Variants in EDIL3 observed in about 807,000 individuals in gnomAD.
The protein encoded by EDIL3 is EGF like and discoidin domains 3.
A neutral mutation model predicts 67.4 loss-of-function variants in EDIL3; 37 were observed. The ratio of observed to expected loss-of-function variants is 0.55; its 90% CI spans 0.42 to 0.72. EDIL3 has a LOEUF of 0.72. Among genes scored for constraint, EDIL3 ranks in the 30% least tolerant of loss-of-function variants. The pLI is 0.00. For synonymous variants in EDIL3, 195 were observed against 196.3 expected (o/e 0.99, Z 0.05); for missense variants, 527 against 586.3 (o/e 0.90, Z 1.04).
intron 3 of EDIL3, among the ~76,000 whole-genome samples, chr5:84,214,063 A>G (rs1351897664): frequency 6.6e-6 from 1 of 152,134 alleles, no homozygotes; most frequent in African/African-American, 2.4e-5. Context: ...CATACCCAGC[A>G]TTAGATGATG....
At chr5:84,196,169 A>G (rs550639252) in intron 3 of EDIL3, among the ~76,000 whole-genome samples, 27 of 151,982 alleles carry the variant, frequency 1.8e-4, no homozygotes, top group Non-Finnish European at 3.4e-4. Context: ...TACACAATAA[A>G]TGATTTATTG....
At chr5:84,093,662 T>A (rs1251487818) in intron 6 of EDIL3, among the ~76,000 whole-genome samples, 3 of 149,620 alleles carry the variant, frequency 2.0e-5, no homozygotes, top group African/African-American at 7.4e-5. Flanking sequence ...TGCAGCCTTT[T>A]TTTTTTTTTT....
chr5:84,186,199 A>T (rs747237024), intron 3 of EDIL3, among the ~76,000 whole-genome samples: 35 of 152,068 alleles, frequency 2.3e-4, no homozygotes, highest in South Asian at 4.1e-4. Context: ...CTGAAAAAAA[A>T]TATTACTAAA....
intron 1 of EDIL3, among the ~76,000 whole-genome samples, chr5:84,369,478 A>G (rs993372261): frequency 1.3e-5 from 2 of 152,164 alleles, no homozygotes; most frequent in Non-Finnish European, 2.9e-5. Flanking sequence ...GAAATAAGCC[A>G]GTCTCACAAA....
chr5:84,274,776 CACAT>C (rs1745541037), intron 1 of EDIL3, among the ~76,000 whole-genome samples: 1 of 126,290 alleles, frequency 7.9e-6, no homozygotes, highest in Non-Finnish European at 1.7e-5. Flanking sequence ...GACACACATA[CACAT>C]ACAGACACAC....
chr5:84,299,247 G>T (rs1561249738), intron 1 of EDIL3, among the ~76,000 whole-genome samples: 2 of 152,084 alleles, frequency 1.3e-5, no homozygotes, highest in Non-Finnish European at 2.9e-5. Context: ...TTAAAAAAAT[G>T]ATATAGGCTA....
At chr5:84,204,857 T>C (rs1000680361) in intron 3 of EDIL3, among the ~76,000 whole-genome samples, 1 of 151,654 alleles carries the variant, frequency 6.6e-6, no homozygotes, top group African/African-American at 2.4e-5. Flanking sequence ...GCTGCTTTTT[T>C]ATAATTTTTA....
chr5:84,270,829 C>T (rs1745456975), intron 1 of EDIL3, among the ~76,000 whole-genome samples: 1 of 152,146 alleles, frequency 6.6e-6, no homozygotes, highest in African/African-American at 2.4e-5. Context: ...AAGTGATATC[C>T]GTGGAGAAGG....
chr5:84,227,910 C>T (rs1456802912), intron 3 of EDIL3, among the ~76,000 whole-genome samples: 1 of 151,982 alleles, frequency 6.6e-6, no homozygotes, highest in Non-Finnish European at 1.5e-5. Context: ...ATAAACACTG[C>T]AGACTACTAG....
intron 1 of EDIL3, among the ~76,000 whole-genome samples, chr5:84,275,439 T>C (rs1019328642): frequency 2.6e-5 from 4 of 152,232 alleles, no homozygotes; most frequent in African/African-American, 9.6e-5. Flanking sequence ...TAGTTTGTTC[T>C]TTTAGCAGCA....
chr5:84,030,616 T>A (rs1745902821), intron 9 of EDIL3, among the ~76,000 whole-genome samples: 1 of 152,216 alleles, frequency 6.6e-6, no homozygotes, highest in South Asian at 2.1e-4. Context: ...TATCTTAAAG[T>A]AACTGACAGA....
chr5:84,239,597 C>G (rs1744756936), intron 2 of EDIL3, among the ~76,000 whole-genome samples: 1 of 152,118 alleles, frequency 6.6e-6, no homozygotes, highest in Admixed American at 6.5e-5. Context: ...GGACCAATTC[C>G]TAGAGTACTG....
At chr5:84,220,313 T>C (rs1467410741) in intron 3 of EDIL3, among the ~76,000 whole-genome samples, 1 of 152,158 alleles carries the variant, frequency 6.6e-6, no homozygotes, top group African/African-American at 2.4e-5. Context: ...CATCCAGTTT[T>C]GACAAACTTG....
chr5:84,297,489 C>G lies in EDIL3; in HGVS notation c.68-43277G>C, dbSNP rs376926070. ...CAGCAATTCTTCAAAGATTTAGAAC[C>G]AGAAATACCATTTCTTGGGGTGAAC... is the stretch of plus-strand genomic sequence containing the variant. On this transcript the variant is annotated intron_variant, in intron 1 of 10. Transcript: ENST00000296591. Among the ~76,000 whole-genome samples the G allele has an allele frequency of 6.8e-4, 104 of 152,208 alleles. 1 individual carries two copies. In the South Asian group the frequency reaches 0.02, roughly 30 times the overall value.
chr5:84,022,721 T>C (rs187264634), intron 9 of EDIL3, among the ~76,000 whole-genome samples: 30 of 151,920 alleles, frequency 2.0e-4, no homozygotes, highest in Non-Finnish European at 2.7e-4. Flanking sequence ...CAACATACTA[T>C]AGTAATAGAA....
intron 1 of EDIL3, among the ~76,000 whole-genome samples, chr5:84,353,530 A>T (rs1037250649): frequency 6.6e-6 from 1 of 152,220 alleles, no homozygotes; most frequent in Non-Finnish European, 1.5e-5. Flanking sequence ...TTTGGTTGGA[A>T]CTTATCTTGA....
At chr5:84,016,267 G>A (rs1397821251) in intron 9 of EDIL3, among the ~76,000 whole-genome samples, 2 of 152,024 alleles carry the variant, frequency 1.3e-5, no homozygotes, top group Non-Finnish European at 2.9e-5. Flanking sequence ...GTGGTTTCTT[G>A]CCAAAAGGGA....
At chr5:84,308,192 A>G (rs1319996047) in intron 1 of EDIL3, among the ~76,000 whole-genome samples, 2 of 152,208 alleles carry the variant, frequency 1.3e-5, no homozygotes, top group Non-Finnish European at 2.9e-5. Context: ...GATATGATCT[A>G]GTGGCTAACA....
intron 3 of EDIL3, among the ~76,000 whole-genome samples, chr5:84,215,196 C>G (rs538062623): frequency 2.0e-5 from 3 of 152,152 alleles, no homozygotes; most frequent in East Asian, 3.9e-4. Context: ...ATATGCCAGC[C>G]CTTAGGAGTT....
Sources: gnomAD v4.1 joint callset for allele counts (sites outside exome capture counted in the v4.1 genomes callset) on GRCh38, gnomAD v4.1.1 for gene constraint, MANE v1.5 for transcripts, NCBI Gene and HGNC (gene_info 2026-07-23, HGNC 2026-07-21) for gene names.